The following SGCE variants were observed in gnomAD, a reference collection of about 807,000 sequenced individuals.
SGCE encodes the protein sarcoglycan epsilon.
SGCE carries 26 observed loss-of-function variants against 57.8 expected under a neutral mutation model. The ratio of observed to expected loss-of-function variants is 0.45; its 90% CI spans 0.33 to 0.62. SGCE has a LOEUF of 0.62. Among genes scored for constraint, SGCE ranks in the 20% least tolerant of loss-of-function variants. SGCE has a pLI of 0.02. For missense variants in SGCE, 468 were observed against 548.6 expected, an observed-to-expected ratio of 0.85 and a Z score of 1.47; for synonymous variants, 183 against 189.5, an observed-to-expected ratio of 0.97 and a Z score of 0.28.
chr7:94,652,236 A>AT (rs1451891505), intron 1 of SGCE, among the ~76,000 whole-genome samples: 1 of 152,108 alleles, frequency 6.6e-6, no homozygotes, highest in Non-Finnish European at 1.5e-5. Context: ...CCCTAGAGTC[A>AT]TTTTTTTACA....
intron 4 of SGCE, chr7:94,620,281 G>C (rs1485202607): frequency 6.6e-6 from 1 of 152,070 alleles, no homozygotes; most frequent in African/African-American, 2.4e-5. Context: ...GTTTTCTAGA[G>C]TGTGGTCATC....
In SGCE at chr7:94,585,234, TTAA is replaced by T. The variant is rs532244072; in HGVS notation, c.*262_*264del. On this transcript the variant is annotated 3_prime_UTR_variant, in exon 11 of 11. Coordinates refer to ENST00000648936, the MANE Select transcript of SGCE (RefSeq NM_003919.3). ...AAATTTCACCAGTCATTAGGCTTCA[TTAA>T]TAATATTTATTTTAAAGATCAACTT... The T allele has an allele frequency of 6.1e-4, 256 of 416,782 alleles. No homozygotes were observed. Among genetic ancestry groups the T allele is most frequent in the African/African-American group, 4.6e-3 (231 of 50,336 alleles). The allele number at this position is 416,782 out of a possible 1,614,324, so 25.8% of individuals were successfully genotyped here. A position where few individuals can be genotyped will look rare whatever the true frequency, so the allele number is the denominator to read the frequency against.
At chr7:94,642,672 C>A (rs1426324802) in intron 1 of SGCE, among the ~76,000 whole-genome samples, 1 of 152,124 alleles carries the variant, frequency 6.6e-6, no homozygotes, top group East Asian at 1.9e-4. Context: ...TTCCAACCTC[C>A]AACTGATTTA....
chr7:94,604,806 A>AATATATATATATATAT (rs59162734), intron 5 of SGCE, among the ~76,000 whole-genome samples: 2 of 44,410 alleles, frequency 4.5e-5, no homozygotes, highest in Admixed American at 2.3e-4. Context: ...ATGGTGCTGG[A>AATATATATATATATAT]ATATATATAT....
chr7:94,633,674 T>C (rs1369810092), intron 1 of SGCE, among the ~76,000 whole-genome samples: 3 of 152,174 alleles, frequency 2.0e-5, no homozygotes, highest in African/African-American at 7.2e-5. Flanking sequence ...TTTCCTTTAC[T>C]AATAGTCCAG....
intron 9 of SGCE, 94 bp from the exon 10 acceptor site, chr7:94,588,826 CTA>C (rs1222618789): frequency 1.4e-6 from 2 of 1,388,346 alleles, no homozygotes; most frequent in Admixed American, 3.4e-5. Flanking sequence ...TACGGGTAAA[CTA>C]TGACCCCAGT....
chr7:94,652,611 A>G (rs1314188457), intron 1 of SGCE, among the ~76,000 whole-genome samples: 2 of 152,170 alleles, frequency 1.3e-5, no homozygotes, highest in Non-Finnish European at 1.5e-5. Flanking sequence ...CTTATTTTCA[A>G]TGTCTGTGAG....
At chr7:94,632,686 C>A (rs900400899) in intron 1 of SGCE, among the ~76,000 whole-genome samples, 8 of 152,104 alleles carry the variant, frequency 5.3e-5, no homozygotes, top group Non-Finnish European at 1.2e-4. Flanking sequence ...CAGGCACCCA[C>A]ACAACATTTT....
chr7:94,594,016 A>G (rs905037473), intron 9 of SGCE, among the ~76,000 whole-genome samples: 4 of 152,118 alleles, frequency 2.6e-5, no homozygotes, highest in Non-Finnish European at 5.9e-5. Flanking sequence ...TAAAAGCTCT[A>G]TGGTGATTCT....
intron 5 of SGCE, among the ~76,000 whole-genome samples, chr7:94,608,042 A>G (rs1158098499): frequency 6.6e-6 from 1 of 152,190 alleles, no homozygotes; most frequent in Non-Finnish European, 1.5e-5. Flanking sequence ...GAACAGGTAG[A>G]ACTTGAAATT....
intron 3 of SGCE, chr7:94,624,346 T>C (rs1264701314): frequency 5.0e-6 from 2 of 396,930 alleles, no homozygotes; most frequent in Admixed American, 4.4e-5. Flanking sequence ...ATTACATGTG[T>C]CAAAAAATAA....
In SGCE at chr7:94,629,833, T is replaced by C. The variant is rs766011440; in HGVS notation, c.118A>G (p.Ile40Val). 5 of 1,610,500 alleles carry C rather than the reference T, an allele frequency of 3.1e-6. No homozygotes were observed. The highest frequency in any genetic ancestry group is 4.2e-6 in the Non-Finnish European group (5 of 1,177,482). The change falls in exon 2 of 11, where the codon ATT becomes GTT. Residue 40 changes from isoleucine to valine, a missense_variant. By Grantham distance (29) the Ile-to-Val change is conservative (BLOSUM62 3). Transcript: ENST00000648936. ...TGTFLLTVYS[I>V]FSKVHSDRNV... ...CGATCGGAGTGTACCTTGGAGAAAA[T>C]ACTGTACACTGAAAACAAAGAGGAA... is the stretch of plus-strand genomic sequence containing the variant.
intron 8 of SGCE, 110 bp from the exon 9 acceptor site, chr7:94,599,073 A>T: frequency 2.6e-6 from 2 of 763,416 alleles, no homozygotes; most frequent in Non-Finnish European, 2.1e-6. Flanking sequence ...ATAATAAGAC[A>T]TTATGGCACT....
chr7:94,588,785 CAG>C, intron 9 of SGCE, 53 bp from the exon 10 acceptor site: 2 of 1,610,350 alleles, frequency 1.2e-6, no homozygotes, highest in Non-Finnish European at 1.7e-6. Context: ...CACTTGTAAA[CAG>C]AGAGCAGACA....
intron 10 of SGCE, among the ~76,000 whole-genome samples, chr7:94,586,072 A>AC (rs1248394090): frequency 8.7e-5 from 13 of 149,814 alleles, no homozygotes; most frequent in Admixed American, 2.0e-4. Context: ...AAAAAAAAAA[A>AC]AAAAAAAAAA....
intron 5 of SGCE, among the ~76,000 whole-genome samples, chr7:94,611,157 G>T (rs1011136594): frequency 1.3e-5 from 2 of 152,078 alleles, no homozygotes; most frequent in African/African-American, 4.8e-5. Context: ...ATATACTTCA[G>T]AAAAATGAAA....
intron 3 of SGCE, 185 bp from the exon 4 acceptor site, chr7:94,623,582 ATAAT>A (rs1803187493): frequency 6.8e-6 from 4 of 590,598 alleles, no homozygotes; most frequent in South Asian, 4.5e-5. Context: ...GGGAAAATAA[ATAAT>A]TAGTCAGGTC....
At chr7:94,585,662 T>C (rs1248002006) in intron 10 of SGCE, 147 bp from the exon 11 acceptor site, 7 of 647,330 alleles carry the variant, frequency 1.1e-5, no homozygotes, top group East Asian at 1.0e-4. Context: ...TCTCTGTATT[T>C]GGTTTTTTTA....
intron 1 of SGCE, among the ~76,000 whole-genome samples, chr7:94,631,024 C>T (rs1804628135): frequency 6.6e-6 from 1 of 151,984 alleles, no homozygotes. Flanking sequence ...TGACTTGTAG[C>T]TTCACGTATC....
Sources: allele counts gnomAD v4.1 joint callset (sites outside exome capture counted in the v4.1 genomes callset), GRCh38; gene constraint gnomAD v4.1.1; transcripts MANE v1.5; gene names NCBI Gene and HGNC (gene_info 2026-07-23, HGNC 2026-07-21).